ZNF608: variants seen among roughly 807,000 people sequenced by gnomAD.
ZNF608 encodes the protein renal carcinoma antigen NY-REN-36.
Under a neutral mutation model 109.0 loss-of-function variants are expected in ZNF608, and 12 were observed. The ratio of observed to expected loss-of-function variants is 0.11; its 90% CI spans 0.07 to 0.18. ZNF608 has a LOEUF of 0.18. Among genes scored for constraint, ZNF608 ranks in the 10% least tolerant of loss-of-function variants. ZNF608 has a pLI of 1.00. For synonymous variants in ZNF608, 732 were observed against 717.4 expected, an observed-to-expected ratio of 1.02 and a Z score of -0.33; for missense variants, 1,707 against 1,879.3, an observed-to-expected ratio of 0.91 and a Z score of 1.70.
chr5:124,675,603 A>T (rs1751912872), intron 3 of ZNF608, among the ~76,000 whole-genome samples: 1 of 152,242 alleles, frequency 6.6e-6, no homozygotes, highest in Non-Finnish European at 1.5e-5. Context: ...CAGAAAAATA[A>T]GGCCTAAAGA....
chr5:124,655,076 G>A lies in ZNF608; in HGVS notation c.1163-5379C>T, dbSNP rs544373694. 6.6e-5 allele frequency among the ~76,000 whole-genome samples: 10 copies of A among 152,252 alleles called. No individual in the cohort carries two copies. In the South Asian group the frequency reaches 1.0e-3, roughly 16 times the overall value. On this transcript the variant is annotated intron_variant, in intron 3 of 9. Coordinates refer to ENST00000513986, the MANE Select transcript of ZNF608 (RefSeq NM_020747.3). The stretch of plus-strand genomic sequence containing the variant: ...TTAAACACCTAGGAACTAACTACAC[G>A]AGGACTGACGAGAGAGAGAGTCTAG...
At chr5:124,700,975 GA>G in intron 3 of ZNF608, 38 bp downstream of exon 3, 1 of 1,606,934 alleles carries the variant, frequency 6.2e-7, no homozygotes, top group East Asian at 2.2e-5. Context: ...TCATGGGGAA[GA>G]GGGCATCGGG....
chr5:124,691,477 C>T (rs182463788), intron 3 of ZNF608, among the ~76,000 whole-genome samples: 1 of 152,218 alleles, frequency 6.6e-6, no homozygotes, highest in African/African-American at 2.4e-5. Flanking sequence ...AACAATTCCA[C>T]TTCTGAGTTA....
chr5:124,660,172 CTGTGTGTGTG>C (rs35200784), intron 3 of ZNF608, among the ~76,000 whole-genome samples: 1 of 150,262 alleles, frequency 6.7e-6, no homozygotes, highest in Non-Finnish European at 1.5e-5. Flanking sequence ...TCTCTTAACT[CTGTGTGTGTG>C]TGTGTGTGTG....
chr5:124,687,485 T>C (rs1432491389), intron 3 of ZNF608, among the ~76,000 whole-genome samples: 2 of 152,234 alleles, frequency 1.3e-5, no homozygotes, highest in Non-Finnish European at 2.9e-5. Flanking sequence ...TCTATGGGTA[T>C]AATGTGTATG....
At chr5:124,698,249 T>C (rs959311379) in intron 3 of ZNF608, among the ~76,000 whole-genome samples, 1 of 152,212 alleles carries the variant, frequency 6.6e-6, no homozygotes, top group African/African-American at 2.4e-5. Flanking sequence ...GTTTAATTTT[T>C]AAATTGGTAC....
intron 2 of ZNF608, among the ~76,000 whole-genome samples, chr5:124,736,354 G>A (rs1222314757): frequency 6.6e-6 from 1 of 152,130 alleles, no homozygotes; most frequent in Non-Finnish European, 1.5e-5. Context: ...AAACATTTTT[G>A]TTGTTTTTAA....
intron 3 of ZNF608, among the ~76,000 whole-genome samples, chr5:124,683,361 C>T: frequency 6.6e-6 from 1 of 152,060 alleles, no homozygotes; most frequent in East Asian, 1.9e-4. Flanking sequence ...GAATAATGTG[C>T]TACATAGCAA....
At chr5:124,711,718 G>C (rs909465994) in intron 2 of ZNF608, among the ~76,000 whole-genome samples, 1 of 152,244 alleles carries the variant, frequency 6.6e-6, no homozygotes, top group African/African-American at 2.4e-5. Flanking sequence ...AATGTGGTCA[G>C]AGCTGAAGGT....
In ZNF608 at chr5:124,653,643, G is replaced by C. The variant is rs571290417; in HGVS notation, c.1163-3946C>G. Among the ~76,000 whole-genome samples the C allele has an allele frequency of 9.7e-4, 148 of 152,200 alleles. 2 individuals carry two copies. Among genetic ancestry groups the C allele is most frequent in the Admixed American group, 9.4e-3 (144 of 15,288 alleles). On this transcript the variant is annotated intron_variant, in intron 3 of 9. Coordinates refer to ENST00000513986, the MANE Select transcript of ZNF608 (RefSeq NM_020747.3). ...CTAGACCCTGGATTTCATGTTCATG[G>C]TGCCCCCACCTAGACCAGTGATCCT...
intron 3 of ZNF608, among the ~76,000 whole-genome samples, chr5:124,650,278 CCT>C (rs1004603613): frequency 2.0e-4 from 31 of 152,176 alleles, no homozygotes; most frequent in African/African-American, 7.5e-4. Context: ...CTAATCCTCC[CCT>C]CTTTGACTTT....
Position 124,645,975 on chromosome 5 carries a change from A to T in ZNF608, c.3705+704T>A, listed in dbSNP as rs564854770. Among the ~76,000 whole-genome samples the T allele has an allele frequency of 1.1e-4, 17 of 152,324 alleles. No individual in the cohort carries two copies. In the South Asian group the frequency reaches 3.3e-3, roughly 30 times the overall value. On this transcript the variant is annotated intron_variant, in intron 5 of 9. Coordinates refer to ENST00000513986, the MANE Select transcript of ZNF608 (RefSeq NM_020747.3). ...GATGCTAGTAGAAATTTGAAAATGG[A>T]AAATAAATATTTCAGAGATAAGACT...
intron 2 of ZNF608, among the ~76,000 whole-genome samples, chr5:124,734,073 TAC>T (rs1476468304): frequency 6.6e-6 from 1 of 152,194 alleles, no homozygotes; most frequent in Non-Finnish European, 1.5e-5. Flanking sequence ...CAGAAACTAA[TAC>T]ACAGTGATGC....
chr5:124,687,320 A>C (rs1752445932), intron 3 of ZNF608, among the ~76,000 whole-genome samples: 1 of 152,244 alleles, frequency 6.6e-6, no homozygotes, highest in Admixed American at 6.5e-5. Flanking sequence ...ACAGAGCAAC[A>C]GAAGGTTCTC....
At chr5:124,643,886 T>C (rs1479179401) in intron 6 of ZNF608, among the ~76,000 whole-genome samples, 1 of 152,232 alleles carries the variant, frequency 6.6e-6, no homozygotes, top group Admixed American at 6.5e-5. Context: ...AGGGAGGTTA[T>C]AAACAGAATT....
In ZNF608 at chr5:124,744,490, C is replaced by T. The variant is rs778245951; in HGVS notation, c.500G>A (p.Ser167Asn). 23 of 1,614,094 alleles carry T rather than the reference C, an allele frequency of 1.4e-5. No individual in the cohort carries two copies. The East Asian group carries it at 4.7e-4, about 33-fold the overall frequency. Residue 167 changes from serine to asparagine, a missense_variant, in exon 2 of 10, where the codon AGC (serine) becomes AAC (asparagine). Ser to Asn is a conservative substitution (Grantham distance 46, BLOSUM62 1). Around this residue, in one of 7 missense-constraint regions of ZNF608, gnomAD observed 407 missense variants for 398.7 expected, o/e 1.02. Coordinates refer to ENST00000513986, the MANE Select transcript of ZNF608 (RefSeq NM_020747.3). This position sits in a 1 kb window ranked among gnomAD's most constrained non-coding sequence, Gnocchi z 4.5. The part of the protein sequence containing the change: ...VSSGGSGNPN[S>N]NSTSTSTSAA... ...AGAGGTGCTGGTGCTGGTACTATTG[C>T]TGTTTGGGTTGCCGCTGCCGCCGCT...
At chr5:124,705,576 T>C (rs963468131) in intron 2 of ZNF608, among the ~76,000 whole-genome samples, 1 of 152,156 alleles carries the variant, frequency 6.6e-6, no homozygotes, top group Non-Finnish European at 1.5e-5. Flanking sequence ...CAAAGCTCCT[T>C]TTTATATCCT....
rs985089289 is a variant in ZNF608 at position 124,637,786 on chromosome 5, G to C, written c.*114C>G. 2.9e-6 allele frequency: 3 copies of C among 1,042,148 alleles called. No individual in the cohort carries two copies. The highest frequency in any genetic ancestry group is 2.5e-5 in the Admixed American group (1 of 39,962). 64.6% of individuals were successfully genotyped at this position (1,042,148 alleles called of 1,614,324 possible). ...AATCTGTAATTTACAAAAATGAAAT[G>C]ACTGGTTTTTGCCTGCCATTAAGGC... On this transcript the variant is annotated 3_prime_UTR_variant, in exon 10 of 10. Coordinates refer to ENST00000513986, the MANE Select transcript of ZNF608 (RefSeq NM_020747.3).
intron 2 of ZNF608, chr5:124,710,512 A>C (rs1170864945): frequency 4.0e-6 from 1 of 252,326 alleles, no homozygotes; most frequent in Non-Finnish European, 7.9e-6. Flanking sequence ...GAAGCACCCA[A>C]AGCATCGTGG....
Sources: allele counts gnomAD v4.1 joint callset (sites outside exome capture counted in the v4.1 genomes callset), GRCh38; gene constraint gnomAD v4.1.1; regional missense constraint gnomAD v4.1.1; non-coding constraint Gnocchi (gnomAD v3.1); transcripts MANE v1.5; gene names NCBI Gene and HGNC (gene_info 2026-07-23, HGNC 2026-07-21).